ADRA1B: variants seen among roughly 807,000 people sequenced by gnomAD.
ADRA1B encodes adrenoceptor alpha 1B, also known as alpha-1B adrenergic receptor.
In ADRA1B, 17 loss-of-function variants were observed where a neutral mutation model predicts 17.9. The observed-to-expected ratio is 0.95, with a 90% CI of 0.65 to 1.42. The LOEUF (loss-of-function observed/expected upper bound fraction) is 1.42, where lower values mean the gene tolerates loss of function less well. ADRA1B is among the 40% of genes most tolerant of loss of function. The pLI is 0.00. For missense variants in ADRA1B, 681 were observed against 722.1 expected (o/e 0.94, Z 0.65); for synonymous variants, 366 against 327.6 (o/e 1.12, Z -1.27).
At position 159,923,817 on chromosome 5, in the gene ADRA1B, T is replaced by C. The variant is rs147312053; in HGVS notation, c.949+5963T>C. 3.9e-3 allele frequency among the ~76,000 whole-genome samples: 595 copies of C among 152,358 alleles called. 5 individuals are homozygous for C. Among genetic ancestry groups the C allele is most frequent in the African/African-American group, 0.013 (555 of 41,554 alleles). On this transcript the variant is annotated intron_variant, in intron 1 of 1. Transcript: ENST00000306675. ...TTCTCTCCTTGTAGTGCCAAGAATC[T>C]TAATTTTAACAAGTTTCCCAGGCGA...
At chr5:159,983,311 G>A in the ADRA1B span, among the ~76,000 whole-genome samples, 1 of 152,164 alleles carries the variant, frequency 6.6e-6, no homozygotes, top group Non-Finnish European at 1.5e-5. Context: ...CCCTGGACAA[G>A]GCTTTCCTCT....
rs142935491 is a variant in ADRA1B at position 159,947,718 on chromosome 5, G to A, written c.950-24161G>A. 1.7e-3 allele frequency: 1,626 copies of A among 985,342 alleles called. 55 individuals carry two copies. In the Admixed American group the frequency reaches 0.071, roughly 43 times the overall value. 61.0% of individuals were successfully genotyped at this position (985,342 alleles called of 1,614,324 possible). ...GCAAAGGCTCTTTAAGCTTGAAGAC[G>A]TTGAATGCTTGCTGTAAATCCAGGA... On this transcript the variant is annotated intron_variant, in intron 1 of 1. Transcript: ENST00000306675.
At position 159,952,901 on chromosome 5, in the gene ADRA1B, C is replaced by A. The variant is rs138211311; in HGVS notation, c.950-18978C>A. On this transcript the variant is annotated intron_variant, in intron 1 of 1. Transcript: ENST00000306675. Reference sequence around the variant, plus strand: ...TCAGGACACTGCGTAAGAAGCCAGGCCTCCCCTCTCAAGAGCTGAATAACC... The same window carrying A: ...TCAGGACACTGCGTAAGAAGCCAGGACTCCCCTCTCAAGAGCTGAATAACC... Among the ~76,000 whole-genome samples the A allele has an allele frequency of 3.9e-5, 6 of 152,334 alleles. No individual in the cohort carries two copies. The East Asian group carries it at 9.6e-4, about 24-fold the overall frequency.
chr5:159,867,480 C>T (rs1753673028), intron 1 of ADRA1B, among the ~76,000 whole-genome samples: 2 of 152,146 alleles, frequency 1.3e-5, no homozygotes, highest in Admixed American at 6.5e-5. Flanking sequence ...CCCTCTCCCT[C>T]GCCCTCTCTC....
At chr5:159,915,113 A>G (rs1052643809), upstream of ADRA1B, among the ~76,000 whole-genome samples, 4 of 152,172 alleles carry the variant, frequency 2.6e-5, no homozygotes, top group Non-Finnish European at 4.4e-5. Flanking sequence ...AGGCCCCAAA[A>G]TTAACTACTC....
chr5:159,925,106 G>A (rs1397050380), intron 1 of ADRA1B, among the ~76,000 whole-genome samples: 1 of 152,164 alleles, frequency 6.6e-6, no homozygotes, highest in Non-Finnish European at 1.5e-5. Flanking sequence ...TCTAATGCAG[G>A]CAGTCAGATG....
At position 159,923,620 on chromosome 5, in the gene ADRA1B, C is replaced by T. The variant is rs78463975; in HGVS notation, c.949+5766C>T. On this transcript the variant is annotated intron_variant, in intron 1 of 1. Transcript: ENST00000306675. ...AAGATTTTCCTCTGAATACATCATG[C>T]GAGGAACAATCTGCCAGACACTCTC... Among the ~76,000 whole-genome samples the T allele has an allele frequency of 1.6e-3, 239 of 152,318 alleles. 1 individual carries two copies. The highest frequency in any genetic ancestry group is 5.1e-3 in the African/African-American group (213 of 41,534).
the ADRA1B span, among the ~76,000 whole-genome samples, chr5:159,980,570 A>G: frequency 1.3e-5 from 2 of 152,318 alleles, no homozygotes; most frequent in Admixed American, 6.5e-5. Context: ...TGGTTCTGCT[A>G]CTTGCCAGCT....
chr5:159,938,611 C>CA (rs1314460160), intron 1 of ADRA1B, among the ~76,000 whole-genome samples: 7 of 151,858 alleles, frequency 4.6e-5, no homozygotes, highest in African/African-American at 1.5e-4. Flanking sequence ...GTGAACAATG[C>CA]AAAAAAAGAA....
intron 1 of ADRA1B, among the ~76,000 whole-genome samples, chr5:159,885,560 G>A (rs1326675615): frequency 1.3e-5 from 2 of 152,210 alleles, no homozygotes; most frequent in African/African-American, 2.4e-5. Flanking sequence ...ATCTAGATGT[G>A]ATGCCTGGAA....
At chr5:159,901,174 C>T (rs529486101) in intron 1 of ADRA1B, among the ~76,000 whole-genome samples, 1 of 151,514 alleles carries the variant, frequency 6.6e-6, no homozygotes, top group South Asian at 2.1e-4. Flanking sequence ...CCAACAAGCT[C>T]CCAAAGAGTC....
In ADRA1B at chr5:159,934,056, T is replaced by C. The variant is rs983193948; in HGVS notation, c.949+16202T>C. ...CCCTGGAAGATGCCAGACTCACGAATTGAAAACTCAATTGAGCACCACTCA... is the reference window on the plus strand; with the variant it reads ...CCCTGGAAGATGCCAGACTCACGAACTGAAAACTCAATTGAGCACCACTCA... On this transcript the variant is annotated intron_variant, in intron 1 of 1. Transcript: ENST00000306675. 4.1e-4 allele frequency among the ~76,000 whole-genome samples: 63 copies of C among 152,192 alleles called. 1 individual carries two copies. Among genetic ancestry groups the C allele is most frequent in the Admixed American group, 3.9e-3 (60 of 15,276 alleles).
At chr5:159,959,393 G>A (rs7734327) in intron 1 of ADRA1B, among the ~76,000 whole-genome samples, 3,945 of 152,330 alleles carry the variant, frequency 0.026, 166 homozygotes, top group African/African-American at 0.089. Flanking sequence ...TGCTCAACAA[G>A]TATTTTTACA....
intron 1 of ADRA1B, among the ~76,000 whole-genome samples, chr5:159,897,173 C>T (rs1415383660): frequency 6.6e-6 from 1 of 152,166 alleles, no homozygotes; most frequent in African/African-American, 2.4e-5. Flanking sequence ...GCTTCTCTCA[C>T]TAACTAACCT....
rs115457388 is a variant in ADRA1B, at chr5:159,937,144, G to A, written c.949+19290G>A. On this transcript the variant is annotated intron_variant, in intron 1 of 1. Coordinates refer to ENST00000306675, the MANE Select transcript of ADRA1B (RefSeq NM_000679.4). ...CCACCAGCCTAATAAGAACAGACCTGAAGTTCCCTGTATGTGTATTTCCTG... is the reference window on the plus strand; with the variant it reads ...CCACCAGCCTAATAAGAACAGACCTAAAGTTCCCTGTATGTGTATTTCCTG... Among the ~76,000 whole-genome samples, 620 of 152,304 alleles carry A rather than the reference G, an allele frequency of 4.1e-3. 4 individuals are homozygous for A. Among genetic ancestry groups the A allele is most frequent in the African/African-American group, 0.014 (572 of 41,542 alleles).
At chr5:159,914,440 G>T (rs1366455567), upstream of ADRA1B, among the ~76,000 whole-genome samples, 1 of 152,178 alleles carries the variant, frequency 6.6e-6, no homozygotes, top group Non-Finnish European at 1.5e-5. Flanking sequence ...GCAAACCAAG[G>T]TTCTGAGAGC....
At chr5:159,882,796 G>A (rs1263328429) in intron 1 of ADRA1B, among the ~76,000 whole-genome samples, 2 of 152,020 alleles carry the variant, frequency 1.3e-5, no homozygotes, top group Non-Finnish European at 2.9e-5. Context: ...TTAGTTAATT[G>A]GCAAAGGGAC....
intron 1 of ADRA1B, among the ~76,000 whole-genome samples, chr5:159,929,368 T>C (rs1325361225): frequency 6.6e-6 from 1 of 152,132 alleles, no homozygotes; most frequent in East Asian, 1.9e-4. Flanking sequence ...CTGCTGACTC[T>C]AGTGTGGCTG....
chr5:159,927,381 G>GCCCACACACACACA (rs372694181), intron 1 of ADRA1B, among the ~76,000 whole-genome samples: 2 of 140,636 alleles, frequency 1.4e-5, no homozygotes, highest in Non-Finnish European at 3.1e-5. Context: ...ATTAAAACAT[G>GCCCACACACACACA]CACACACACA....
Sources: gnomAD v4.1 joint callset for allele counts (sites outside exome capture counted in the v4.1 genomes callset) on GRCh38, gnomAD v4.1.1 for gene constraint, MANE v1.5 for transcripts, NCBI Gene and HGNC (gene_info 2026-07-23, HGNC 2026-07-21) for gene names.